The following FBXO4 variants were observed in gnomAD, a reference collection of about 807,000 sequenced individuals.
FBXO4 encodes F-box only protein 4.
A neutral mutation model predicts 43.7 loss-of-function variants in FBXO4; 36 were observed. The ratio of observed to expected loss-of-function variants is 0.82; its 90% confidence interval spans 0.63 to 1.09. The LOEUF (loss-of-function observed/expected upper bound fraction) is 1.09, where lower values mean the gene tolerates loss of function less well. Ranked by LOEUF, FBXO4 falls within the 50% of genes least tolerant of loss-of-function variation. The probability of loss-of-function intolerance (pLI) is 0.00; values close to 1 mark genes in which losing one functional copy is unlikely to be tolerated. For missense variants in FBXO4, 435 were observed against 474.1 expected, an observed-to-expected ratio of 0.92 and a Z score of 0.77; for synonymous variants, 180 against 165.6, an observed-to-expected ratio of 1.09 and a Z score of -0.67.
chr5:42,013,145 G>T, the FBXO4 span, among the ~76,000 whole-genome samples: 1 of 151,894 alleles, frequency 6.6e-6, no homozygotes, highest in East Asian at 1.9e-4. Context: ...TTTCTACAAA[G>T]AATAAAAAAT....
chr5:42,025,223 A>G, the FBXO4 span, among the ~76,000 whole-genome samples: 2,424 of 151,748 alleles, frequency 0.016, 118 homozygotes, highest in East Asian at 0.1. Flanking sequence ...ATTTATTATT[A>G]CCTGTCTTTT....
At chr5:42,022,967 T>A in the FBXO4 span, among the ~76,000 whole-genome samples, 1 of 152,026 alleles carries the variant, frequency 6.6e-6, no homozygotes, top group African/African-American at 2.4e-5. Flanking sequence ...TTAAAAAAAA[T>A]GAAATACAAA....
At position 41,931,531 on chromosome 5, in the gene FBXO4, A is replaced by C. The variant is rs534718344; in HGVS notation, c.646+1614A>C. Among the ~76,000 whole-genome samples the C allele has an allele frequency of 6.6e-5, 10 of 152,366 alleles. No homozygotes were observed. The South Asian group carries it at 2.1e-3, about 32-fold the overall frequency. On this transcript the variant is annotated intron_variant, in intron 3 of 6. Transcript: ENST00000281623. Reference sequence around the variant, plus strand: ...CCAAGTAGAGATACCTACTATAAGCAAATCTGCTAGAATGGAAGCTCCATG... The same window carrying C: ...CCAAGTAGAGATACCTACTATAAGCCAATCTGCTAGAATGGAAGCTCCATG...
the FBXO4 span, among the ~76,000 whole-genome samples, chr5:42,005,114 T>A: frequency 6.6e-6 from 1 of 152,148 alleles, no homozygotes; most frequent in Admixed American, 6.6e-5. Flanking sequence ...TATTTTATTC[T>A]AAATAAAACA....
In FBXO4 at chr5:41,929,744, G is replaced by T; in HGVS notation, c.473G>T (p.Arg158Leu). The T allele has an allele frequency of 3.1e-6, 5 of 1,613,592 alleles. No individual in the cohort carries two copies. Among genetic ancestry groups the T allele is most frequent in the Non-Finnish European group, 4.2e-6 (5 of 1,179,886 alleles). Residue 158 changes from arginine to leucine, a missense_variant, in exon 3 of 7, where the codon CGT becomes CTT. Arg to Leu is a moderately radical substitution (Grantham distance 102, BLOSUM62 -2). Coordinates refer to ENST00000281623, the MANE Select transcript of FBXO4 (RefSeq NM_012176.3). The part of the protein sequence containing the change: ...PYTRRASKSS[R>L]PMYGAVTSFL... ...ACAAGAAGAGCTTCAAAATCCAGCC[G>T]TCCTATGTATGGAGCTGTCACTTCT...
At chr5:42,014,380 A>G in the FBXO4 span, among the ~76,000 whole-genome samples, 1 of 152,202 alleles carries the variant, frequency 6.6e-6, no homozygotes, top group Non-Finnish European at 1.5e-5. Flanking sequence ...ACATTAATTT[A>G]ATAACATTGA....
chr5:41,997,111 C>T, the FBXO4 span, among the ~76,000 whole-genome samples: 23 of 152,300 alleles, frequency 1.5e-4, no homozygotes, highest in South Asian at 6.2e-4. Flanking sequence ...TTCTGGTGGG[C>T]CTTACAGACA....
the FBXO4 span, among the ~76,000 whole-genome samples, chr5:41,990,154 T>C: frequency 2.0e-5 from 3 of 152,210 alleles, no homozygotes; most frequent in Admixed American, 6.5e-5. Flanking sequence ...TCAATGAATC[T>C]CTTTTGATCT....
At chr5:41,947,796 A>G in the FBXO4 span, among the ~76,000 whole-genome samples, 1 of 152,132 alleles carries the variant, frequency 6.6e-6, no homozygotes, top group African/African-American at 2.4e-5. Context: ...GAGTGATGAT[A>G]GTTTCTACAG....
At chr5:41,979,729 T>G in the FBXO4 span, among the ~76,000 whole-genome samples, 1 of 152,186 alleles carries the variant, frequency 6.6e-6, no homozygotes, top group East Asian at 1.9e-4. Context: ...TGGTTACTAT[T>G]TATATTTCTA....
chr5:42,007,827 C>G, the FBXO4 span, among the ~76,000 whole-genome samples: 17 of 152,102 alleles, frequency 1.1e-4, no homozygotes, highest in African/African-American at 4.1e-4. Flanking sequence ...AGACTAATCC[C>G]AATTATTTCT....
the FBXO4 span, among the ~76,000 whole-genome samples, chr5:42,017,306 G>A: frequency 6.6e-6 from 1 of 152,004 alleles, no homozygotes; most frequent in African/African-American, 2.4e-5. Context: ...GATATCAAAC[G>A]GAAGAGAAAT....
At chr5:41,999,545 G>A in the FBXO4 span, among the ~76,000 whole-genome samples, 4,593 of 100,016 alleles carry the variant, frequency 0.046, 376 homozygotes, top group African/African-American at 0.16. Context: ...ACATATATAT[G>A]TATATATATA....
At chr5:41,942,434 A>G (rs745904208), downstream of FBXO4, among the ~76,000 whole-genome samples, 7 of 152,056 alleles carry the variant, frequency 4.6e-5, no homozygotes, top group Non-Finnish European at 8.8e-5. Context: ...TTTTTTTAAA[A>G]TGGCATTTCA....
the FBXO4 span, among the ~76,000 whole-genome samples, chr5:42,039,426 A>G: frequency 6.6e-6 from 1 of 152,228 alleles, no homozygotes; most frequent in East Asian, 1.9e-4. Context: ...TTGCTGCTCC[A>G]ATCACACTGG....
chr5:41,989,107 A>T, the FBXO4 span, among the ~76,000 whole-genome samples: 2 of 152,200 alleles, frequency 1.3e-5, no homozygotes, highest in African/African-American at 4.8e-5. Context: ...AAAAACGGCC[A>T]CAATGATGTT....
At chr5:42,015,719 GAA>G in the FBXO4 span, among the ~76,000 whole-genome samples, 9,544 of 144,754 alleles carry the variant, frequency 0.066, 321 homozygotes, top group African/African-American at 0.083. Context: ...TGCCAGGATT[GAA>G]AAAAAAAAAG....
the FBXO4 span, among the ~76,000 whole-genome samples, chr5:41,948,605 AT>A: frequency 9.4e-3 from 1,429 of 152,118 alleles, 18 homozygotes; most frequent in African/African-American, 0.033. Flanking sequence ...ATACAGTTTA[AT>A]TCTTCATGTA....
chr5:41,932,578 A>G lies in FBXO4; in HGVS notation c.647-1368A>G, dbSNP rs370199672. ...CTAATGAGGTTAGTAGGGACCAGATATTATGGTTTTATTTCTTCATCTGAA... is the reference window on the plus strand; with the variant it reads ...CTAATGAGGTTAGTAGGGACCAGATGTTATGGTTTTATTTCTTCATCTGAA... On this transcript the variant is annotated intron_variant, in intron 3 of 6. Coordinates refer to ENST00000281623, the MANE Select transcript of FBXO4 (RefSeq NM_012176.3). Among the ~76,000 whole-genome samples, 33 of 152,348 alleles carry G rather than the reference A, an allele frequency of 2.2e-4. 1 individual carries two copies. Among genetic ancestry groups the G allele is most frequent in the African/African-American group, 7.7e-4 (32 of 41,578 alleles).
Sources: gnomAD v4.1 joint callset for allele counts (sites outside exome capture counted in the v4.1 genomes callset) on GRCh38, gnomAD v4.1.1 for gene constraint, MANE v1.5 for transcripts, NCBI Gene and HGNC (gene_info 2026-07-23, HGNC 2026-07-21) for gene names.